KLRG1: variants seen among roughly 807,000 people sequenced by gnomAD.
The protein encoded by KLRG1 is killer cell lectin like receptor G1, also known as killer cell lectin-like receptor subfamily G member 1.
KLRG1 carries 16 observed loss-of-function variants against 21.8 expected under a neutral mutation model. That is an observed-to-expected ratio of 0.73 (90% CI 0.50 to 1.11). The LOEUF (loss-of-function observed/expected upper bound fraction) is 1.11. KLRG1 is among the 50% of genes most tolerant of loss of function. The pLI, the probability that KLRG1 is intolerant of heterozygous loss-of-function variation, is 0.00. For missense variants in KLRG1, 173 were observed against 218.3 expected, an observed-to-expected ratio of 0.79 and a Z score of 1.31; for synonymous variants, 69 against 75.9, an observed-to-expected ratio of 0.91 and a Z score of 0.47.
the KLRG1 span, chr12:9,166,099 C>T: frequency 5.6e-6 from 9 of 1,612,570 alleles, no homozygotes; most frequent in African/African-American, 9.4e-5. Flanking sequence ...AATAGCTTCG[C>T]ACCGTTTCAG....
chr12:8,970,534 C>T (rs1294956856), intron 1 of KLRG1: 1 of 152,202 alleles, frequency 6.6e-6, no homozygotes, highest in Non-Finnish European at 1.5e-5. Context: ...CTGGTAAATT[C>T]CACTTCTTCC....
chr12:8,995,349 CT>C (rs1773682055), intron 3 of KLRG1, 61 bp downstream of exon 3: 1 of 1,422,426 alleles, frequency 7.0e-7, no homozygotes, highest in African/African-American at 1.4e-5. Flanking sequence ...TGTTTTTAAA[CT>C]GCTATTTAAA....
chr12:9,152,688 G>T, the KLRG1 span: 2 of 889,666 alleles, frequency 2.2e-6, no homozygotes, highest in Non-Finnish European at 1.6e-6. Flanking sequence ...AATGATAAAA[G>T]CCTAAATTCA....
At chr12:9,115,653 A>C in the KLRG1 span, 1 of 777,664 alleles carries the variant, frequency 1.3e-6, no homozygotes, top group Non-Finnish European at 2.1e-6. Flanking sequence ...GGAATCTTAG[A>C]GATAAGAAGA....
chr12:9,136,585 A>G, the KLRG1 span, among the ~76,000 whole-genome samples: 1 of 152,204 alleles, frequency 6.6e-6, no homozygotes, highest in East Asian at 1.9e-4. Context: ...CATATATACA[A>G]ATATAGATGA....
chr12:9,159,947 C>T, the KLRG1 span: 13 of 1,611,616 alleles, frequency 8.1e-6, no homozygotes, highest in Non-Finnish European at 1.1e-5. Flanking sequence ...CCAAGTGTTG[C>T]CCTGGTTCCT....
At chr12:9,073,846 G>A in the KLRG1 span, among the ~76,000 whole-genome samples, 1 of 152,152 alleles carries the variant, frequency 6.6e-6, no homozygotes, top group Non-Finnish European at 1.5e-5. Context: ...CTAGCACTTT[G>A]TGAGGCCAAG....
chr12:8,979,192 A>G (rs1227473828), intron 1 of KLRG1, among the ~76,000 whole-genome samples: 1 of 150,546 alleles, frequency 6.6e-6, no homozygotes, highest in Non-Finnish European at 1.5e-5. Flanking sequence ...TTTTCTTTGT[A>G]TTTTTAGTAG....
chr12:9,101,630 C>T, the KLRG1 span: 5,402 of 1,613,950 alleles, frequency 3.3e-3, 180 homozygotes, highest in African/African-American at 0.063. Context: ...GTTCTTCTGA[C>T]ACCCACTGGT....
At chr12:9,069,340 A>G in the KLRG1 span, among the ~76,000 whole-genome samples, 1 of 152,172 alleles carries the variant, frequency 6.6e-6, no homozygotes, top group South Asian at 2.1e-4. Context: ...TGGTCTTATT[A>G]TTTTATGGTT....
chr12:9,165,417 T>G, the KLRG1 span: 2 of 1,599,272 alleles, frequency 1.3e-6, no homozygotes, highest in Admixed American at 3.4e-5. Flanking sequence ...TAAGCCACCT[T>G]TTCTCAAGTG....
At chr12:9,060,596 A>C in the KLRG1 span, among the ~76,000 whole-genome samples, 1 of 152,102 alleles carries the variant, frequency 6.6e-6, no homozygotes, top group Non-Finnish European at 1.5e-5. Flanking sequence ...GCGCCATTGC[A>C]CTCCAGCCTG....
the KLRG1 span, among the ~76,000 whole-genome samples, chr12:9,173,120 A>G: frequency 6.6e-6 from 1 of 152,144 alleles, no homozygotes; most frequent in African/African-American, 2.4e-5. Context: ...AAATCATAAC[A>G]GTCTTTCAGA....
chr12:9,103,579 C>A, the KLRG1 span, among the ~76,000 whole-genome samples: 1 of 152,078 alleles, frequency 6.6e-6, no homozygotes, highest in Non-Finnish European at 1.5e-5. Flanking sequence ...TCTCTCTTTC[C>A]CTAGCCCTTG....
the KLRG1 span, chr12:9,104,550 C>T: frequency 4.1e-6 from 3 of 726,046 alleles, no homozygotes; most frequent in Non-Finnish European, 6.6e-6. Flanking sequence ...AAGTTTCTTC[C>T]ATCACAGAGC....
upstream of KLRG1, among the ~76,000 whole-genome samples, chr12:8,988,140 C>T (rs1422701467): frequency 6.6e-6 from 1 of 152,176 alleles, no homozygotes; most frequent in African/African-American, 2.4e-5. Context: ...CTTAAGGGTG[C>T]CTCTCTCTTG....
chr12:9,097,764 C>T, the KLRG1 span, among the ~76,000 whole-genome samples: 2 of 151,696 alleles, frequency 1.3e-5, no homozygotes, highest in Non-Finnish European at 2.9e-5. Flanking sequence ...TCCTGAGTAG[C>T]TGGGATGACA....
At chr12:9,126,542 T>C in the KLRG1 span, among the ~76,000 whole-genome samples, 2 of 152,164 alleles carry the variant, frequency 1.3e-5, no homozygotes, top group South Asian at 4.1e-4. Context: ...ATATGGAACT[T>C]TCCGACATAG....
the KLRG1 span, among the ~76,000 whole-genome samples, chr12:9,079,038 C>T: frequency 6.6e-6 from 1 of 151,734 alleles, no homozygotes; most frequent in Admixed American, 6.6e-5. Flanking sequence ...TAATAGGATC[C>T]ATTTTGGAAA....
Sources: allele counts gnomAD v4.1 joint callset (sites outside exome capture counted in the v4.1 genomes callset), GRCh38; gene constraint gnomAD v4.1.1; transcripts MANE v1.5; gene names NCBI Gene and HGNC (gene_info 2026-07-23, HGNC 2026-07-21).